ZFAND6: variants seen among roughly 807,000 people sequenced by gnomAD.
The protein encoded by ZFAND6 is zinc finger AN1-type containing 6.
In ZFAND6, 12 loss-of-function variants were observed where a neutral mutation model predicts 24.5. The ratio of observed to expected loss-of-function variants is 0.49; its 90% CI spans 0.31 to 0.79. The LOEUF is 0.79. ZFAND6 is among the 30% of genes least tolerant of loss of function. The pLI is 0.04. For synonymous variants in ZFAND6, 92 were observed against 81.5 expected, an observed-to-expected ratio of 1.13 and a Z score of -0.69; for missense variants, 207 against 245.9, an observed-to-expected ratio of 0.84 and a Z score of 1.06.
intron 1 of ZFAND6, among the ~76,000 whole-genome samples, chr15:80,061,115 G>T (rs1200616575): frequency 6.6e-6 from 1 of 152,182 alleles, no homozygotes; most frequent in African/African-American, 2.4e-5. Flanking sequence ...AGCCCTAGGG[G>T]AAATGTTTTG....
intron 6 of ZFAND6, 102 bp downstream of exon 6, chr15:80,131,395 A>G (rs1555437218): frequency 2.1e-6 from 2 of 958,912 alleles, no homozygotes; most frequent in Non-Finnish European, 3.1e-6. Flanking sequence ...TTCCCTTGAG[A>G]GTTAATATTG....
At chr15:80,122,567 GT>G (rs755472580) in intron 4 of ZFAND6, 132 bp from the exon 5 acceptor site, 182 of 595,174 alleles carry the variant, frequency 3.1e-4, no homozygotes, top group Non-Finnish European at 4.7e-4. Context: ...TTATGTTTAA[GT>G]TATTAAAAAA....
chr15:80,107,345 A>C (rs7168791), intron 2 of ZFAND6, among the ~76,000 whole-genome samples: 105,896 of 152,036 alleles, frequency 0.7, 37,107 homozygotes, highest in Admixed American at 0.8. Context: ...TAGTCATTAC[A>C]TAATGACATC....
At chr15:80,085,185 C>T (rs1215162128) in intron 1 of ZFAND6, among the ~76,000 whole-genome samples, 1 of 152,158 alleles carries the variant, frequency 6.6e-6, no homozygotes, top group South Asian at 2.1e-4. Flanking sequence ...ATCAAGGCTA[C>T]TCCTGTTCAT....
At chr15:80,131,743 G>A (rs2040615650) in intron 6 of ZFAND6, among the ~76,000 whole-genome samples, 1 of 152,216 alleles carries the variant, frequency 6.6e-6, no homozygotes, top group Non-Finnish European at 1.5e-5. Flanking sequence ...GTTGGCTACT[G>A]TAACATAGCT....
chr15:80,085,066 C>CT (rs1427472484), intron 1 of ZFAND6, among the ~76,000 whole-genome samples: 1 of 152,230 alleles, frequency 6.6e-6, no homozygotes, highest in African/African-American at 2.4e-5. Context: ...AAGGACGCCA[C>CT]TTTCCTCCTG....
chr15:80,081,433 G>A (rs186425374), intron 1 of ZFAND6, among the ~76,000 whole-genome samples: 17 of 152,296 alleles, frequency 1.1e-4, no homozygotes, highest in Admixed American at 6.5e-4. Context: ...AGCAAAAAGC[G>A]ATTCAAGAAC....
intron 5 of ZFAND6, among the ~76,000 whole-genome samples, chr15:80,125,051 A>G (rs1267963110): frequency 1.3e-5 from 2 of 152,214 alleles, no homozygotes; most frequent in East Asian, 3.8e-4. Context: ...TCAAATTCAA[A>G]TAACTTTTTT....
intron 6 of ZFAND6, among the ~76,000 whole-genome samples, chr15:80,133,908 C>T (rs947047256): frequency 1.3e-5 from 2 of 151,856 alleles, no homozygotes; most frequent in Non-Finnish European, 2.9e-5. Context: ...AACCCTTTTT[C>T]GTGATCGGTT....
chr15:80,062,835 CT>C (rs1455035757), intron 1 of ZFAND6, among the ~76,000 whole-genome samples: 2 of 152,162 alleles, frequency 1.3e-5, no homozygotes, highest in Non-Finnish European at 2.9e-5. Context: ...AGGTATACCC[CT>C]GGTCTTTATG....
intron 5 of ZFAND6, among the ~76,000 whole-genome samples, chr15:80,127,568 C>CA (rs1292389765): frequency 9.8e-6 from 1 of 101,924 alleles, no homozygotes; most frequent in Non-Finnish European, 1.8e-5. Context: ...CCAGCCTGGG[C>CA]AAAAGGGCAA....
chr15:80,077,587 G>A (rs554296394), intron 1 of ZFAND6, among the ~76,000 whole-genome samples: 4 of 151,206 alleles, frequency 2.6e-5, no homozygotes, highest in Non-Finnish European at 4.4e-5. Context: ...ACCAATGTTT[G>A]TTTCTTTGAA....
At chr15:80,068,026 A>G (rs867763790) in intron 1 of ZFAND6, among the ~76,000 whole-genome samples, 1 of 151,304 alleles carries the variant, frequency 6.6e-6, no homozygotes, top group African/African-American at 2.4e-5. Flanking sequence ...CAGTGGCACA[A>G]TCTCGGCTCA....
At chr15:80,105,724 A>G (rs752298379) in intron 2 of ZFAND6, among the ~76,000 whole-genome samples, 3 of 152,168 alleles carry the variant, frequency 2.0e-5, no homozygotes, top group African/African-American at 7.2e-5. Flanking sequence ...TTTTTACTAC[A>G]TATCAAGTTG....
chr15:80,092,718 A>G (rs1190841080), intron 1 of ZFAND6, among the ~76,000 whole-genome samples: 2 of 152,186 alleles, frequency 1.3e-5, no homozygotes, highest in Non-Finnish European at 2.9e-5. Context: ...TACCTTGGCA[A>G]CATTGACACA....
At chr15:80,071,432 A>G (rs2036972018) in intron 1 of ZFAND6, among the ~76,000 whole-genome samples, 1 of 152,198 alleles carries the variant, frequency 6.6e-6, no homozygotes, top group Non-Finnish European at 1.5e-5. Flanking sequence ...ATTAGACATT[A>G]AATGCCATTT....
intron 1 of ZFAND6, among the ~76,000 whole-genome samples, chr15:80,078,370 G>A (rs2037418457): frequency 6.6e-6 from 1 of 152,140 alleles, no homozygotes; most frequent in Admixed American, 6.6e-5. Context: ...CATCCATGTT[G>A]CTACAAAGAA....
chr15:80,121,963 G>GA (rs2040166221), intron 4 of ZFAND6, 143 bp downstream of exon 4: 2 of 688,292 alleles, frequency 2.9e-6, no homozygotes, highest in Non-Finnish European at 4.6e-6. Context: ...TAACTAGTTA[G>GA]AAAAAGCGAT....
At chr15:80,080,953 T>G (rs1204135031) in intron 1 of ZFAND6, among the ~76,000 whole-genome samples, 2 of 152,160 alleles carry the variant, frequency 1.3e-5, no homozygotes, top group Non-Finnish European at 2.9e-5. Flanking sequence ...CATCATCCAG[T>G]CACCTCCCAT....
Sources: gnomAD v4.1 joint callset for allele counts (sites outside exome capture counted in the v4.1 genomes callset) on GRCh38, gnomAD v4.1.1 for gene constraint, MANE v1.5 for transcripts, NCBI Gene and HGNC (gene_info 2026-07-23, HGNC 2026-07-21) for gene names.